HACL2: variants seen among roughly 807,000 people sequenced by gnomAD.
HACL2 encodes the protein 2-hydroxyacyl-CoA lyase 2.
the HACL2 span, among the ~76,000 whole-genome samples, chr19:15,118,904 C>G: frequency 6.6e-6 from 1 of 152,228 alleles, no homozygotes; most frequent in East Asian, 1.9e-4. Context: ...CAGCCAAAAC[C>G]ACAGCTACCA....
chr19:15,124,657 G>C, the HACL2 span: 1 of 518,002 alleles, frequency 1.9e-6, no homozygotes. Context: ...TCTGTTCTGT[G>C]AAAAGAGTCA....
chr19:15,119,892 G>T, the HACL2 span: 1 of 864,286 alleles, frequency 1.2e-6, no homozygotes, highest in Non-Finnish European at 1.8e-6. Context: ...CAAGATTAAG[G>T]CCCCAGTACT....
At chr19:15,122,989 GA>G in the HACL2 span, 1 of 1,603,402 alleles carries the variant, frequency 6.2e-7, no homozygotes. The surrounding 1 kb of genome is among the most constrained non-coding windows in gnomAD (Gnocchi z 4.0). Flanking sequence ...AGAGTGGCCG[GA>G]AAAGGGACAG....
chr19:15,124,680 GT>G, the HACL2 span: 1 of 537,276 alleles, frequency 1.9e-6, no homozygotes, highest in Non-Finnish European at 3.3e-6. Context: ...GGGGAAGGAG[GT>G]AGGTGGGGTG....
the HACL2 span, chr19:15,119,917 G>A: frequency 8.8e-7 from 1 of 1,132,234 alleles, no homozygotes; most frequent in Non-Finnish European, 1.3e-6. Flanking sequence ...CAGGGAGAGG[G>A]TCAGGGGGCC....
the HACL2 span, chr19:15,116,329 A>G: frequency 1.9e-6 from 3 of 1,613,842 alleles, no homozygotes; most frequent in South Asian, 1.1e-5. Context: ...TCCCTGCGAC[A>G]GGACAGCGAA....
At chr19:15,125,324 T>C in the HACL2 span, 3 of 488,876 alleles carry the variant, frequency 6.1e-6, no homozygotes, top group African/African-American at 6.1e-5. Context: ...CCACCCAAAC[T>C]AGCCACCACA....
At chr19:15,121,824 A>AG in the HACL2 span, among the ~76,000 whole-genome samples, 39,708 of 148,202 alleles carry the variant, frequency 0.27, 6,126 homozygotes, top group South Asian at 0.36. Flanking sequence ...AAAAAAAAAA[A>AG]AAAGAAAGAA....
the HACL2 span, chr19:15,119,919 CAGGGGGCCCTCTCCCCTCAGGGAGAGGGT>C: frequency 1.8e-5 from 20 of 1,141,808 alleles, no homozygotes; most frequent in East Asian, 3.4e-4. Flanking sequence ...GGGAGAGGGT[CAGGGGGCCCTCTCCCCTCAGGGAGAGGGT>C]AGGGTCCTCA....
At chr19:15,121,499 G>A in the HACL2 span, among the ~76,000 whole-genome samples, 1 of 152,092 alleles carries the variant, frequency 6.6e-6, no homozygotes, top group Non-Finnish European at 1.5e-5. Context: ...AAGAGGAGGA[G>A]GAGAAGAAAG....
the HACL2 span, chr19:15,122,765 G>A: frequency 1.2e-6 from 2 of 1,614,104 alleles, no homozygotes; most frequent in South Asian, 1.1e-5. This position sits in a 1 kb window ranked among gnomAD's most constrained non-coding sequence, Gnocchi z 4.0. Flanking sequence ...CATGAAGTAG[G>A]GGTACAGCAC....
chr19:15,115,851 T>C, the HACL2 span: 1 of 1,613,752 alleles, frequency 6.2e-7, no homozygotes, highest in Non-Finnish European at 8.5e-7. Context: ...CCCAGTCACC[T>C]TGTGTCTGAC....
the HACL2 span, chr19:15,123,286 C>T: frequency 6.2e-7 from 1 of 1,608,444 alleles, no homozygotes; most frequent in South Asian, 1.1e-5. The surrounding 1 kb of genome is among the most constrained non-coding windows in gnomAD (Gnocchi z 5.1). Context: ...CTCTCTTGGC[C>T]ATTCTTCCAC....
At chr19:15,123,806 G>A in the HACL2 span, 9 of 575,300 alleles carry the variant, frequency 1.6e-5, no homozygotes, top group African/African-American at 1.7e-4. This position sits in a 1 kb window ranked among gnomAD's most constrained non-coding sequence, Gnocchi z 5.1. Context: ...AGGACATCAA[G>A]GCTTGCCCAA....
At chr19:15,116,785 C>G in the HACL2 span, 5 of 474,654 alleles carry the variant, frequency 1.1e-5, no homozygotes, top group Admixed American at 2.0e-4. Context: ...CCAAGCTGGC[C>G]TCGTCCCCTC....
chr19:15,119,621 G>A, the HACL2 span: 1 of 935,686 alleles, frequency 1.1e-6, no homozygotes, highest in Non-Finnish European at 1.6e-6. Flanking sequence ...CATGATCTCA[G>A]CTCACTGCAG....
chr19:15,119,422 G>A, the HACL2 span: 5 of 1,614,156 alleles, frequency 3.1e-6, no homozygotes, highest in Non-Finnish European at 4.2e-6. Flanking sequence ...TCTCACCGAA[G>A]CTTGTCGGCA....
the HACL2 span, chr19:15,115,713 A>G: frequency 6.3e-7 from 1 of 1,592,726 alleles, no homozygotes; most frequent in Admixed American, 1.7e-5. Context: ...CTTCAGCCCC[A>G]TGGCTTGGCC....
the HACL2 span, among the ~76,000 whole-genome samples, chr19:15,119,746 TC>T: frequency 6.6e-6 from 1 of 152,148 alleles, no homozygotes; most frequent in Non-Finnish European, 1.5e-5. Context: ...AGACAGGGTT[TC>T]ACCATGTTGG....
Sources: gnomAD v4.1 joint callset for allele counts (sites outside exome capture counted in the v4.1 genomes callset) on GRCh38, gnomAD v4.1.1 for gene constraint, Gnocchi (gnomAD v3.1) non-coding constraint, MANE v1.5 for transcripts, NCBI Gene and HGNC (gene_info 2026-07-23, HGNC 2026-07-21) for gene names.